The following EVC2 variants were observed in gnomAD, a reference collection of about 807,000 sequenced individuals.
EVC2 encodes the protein EvC ciliary complex subunit 2.
In EVC2, 148 loss-of-function variants were observed where a neutral mutation model predicts 149.3. That is an observed-to-expected ratio of 0.99 (90% CI 0.87 to 1.14). EVC2 has a LOEUF of 1.14. EVC2 is among the 50% of genes most tolerant of loss of function. The pLI is 0.00. For missense variants in EVC2, 1,854 were observed against 1,627.3 expected, an observed-to-expected ratio of 1.14 and a Z score of -2.40; for synonymous variants, 776 against 649.9, an observed-to-expected ratio of 1.19 and a Z score of -2.95.
rs1722344057 is a variant in EVC2 at position 5,567,286 on chromosome 4, A to C, written c.3557+1158T>G. Among the ~76,000 whole-genome samples the C allele has an allele frequency of 3.3e-5, 5 of 150,056 alleles. No individual in the cohort carries two copies. The highest frequency in any genetic ancestry group is 4.9e-5 in the African/African-American group (2 of 40,504). The stretch of plus-strand genomic sequence containing the variant: ...CACCCGCAGATGTTCCCTCTTCCCC[A>C]CCCTCCCCCTCACCCTGGTCAGACT... On this transcript the variant is annotated intron_variant, in intron 20 of 21. Transcript: ENST00000344408. This position sits in a 1 kb window ranked among gnomAD's most constrained non-coding sequence, Gnocchi z 4.4.
intron 9 of EVC2, among the ~76,000 whole-genome samples, chr4:5,660,322 AT>A (rs2108891519): frequency 6.6e-6 from 1 of 152,322 alleles, no homozygotes; most frequent in East Asian, 1.9e-4. Context: ...AGGAGCACCC[AT>A]TCAAAACAGA....
intron 10 of EVC2, among the ~76,000 whole-genome samples, chr4:5,638,425 A>G (rs1333501348): frequency 1.3e-5 from 2 of 151,862 alleles, no homozygotes; most frequent in African/African-American, 4.8e-5. Context: ...CAGATTTAGG[A>G]AAGAATCAAA....
chr4:5,611,448 CAA>C (rs2108823107), intron 16 of EVC2, among the ~76,000 whole-genome samples: 2 of 152,144 alleles, frequency 1.3e-5, no homozygotes, highest in East Asian at 3.9e-4. Flanking sequence ...TTTAATTATA[CAA>C]AGAGCCCTCT....
chr4:5,542,459 A>G (rs1210018828), downstream of EVC2, among the ~76,000 whole-genome samples: 1 of 152,142 alleles, frequency 6.6e-6, no homozygotes, highest in Non-Finnish European at 1.5e-5. Context: ...TGTCTCAAAA[A>G]ATAATCCTCA....
the EVC2 span, among the ~76,000 whole-genome samples, chr4:5,534,095 T>C: frequency 1.3e-5 from 2 of 152,012 alleles, no homozygotes; most frequent in South Asian, 4.2e-4. Flanking sequence ...AGGGAGTGAT[T>C]TACATTTTTA....
intron 9 of EVC2, among the ~76,000 whole-genome samples, chr4:5,660,558 C>G (rs1299389331): frequency 6.6e-6 from 1 of 152,178 alleles, no homozygotes; most frequent in Non-Finnish European, 1.5e-5. Flanking sequence ...TCCCAGATCT[C>G]CCATTTTCAG....
chr4:5,540,880 G>A (rs1010192826), downstream of EVC2, among the ~76,000 whole-genome samples: 4 of 151,780 alleles, frequency 2.6e-5, no homozygotes, highest in South Asian at 6.3e-4. Flanking sequence ...CCATCAGATC[G>A]CCAGAATTCT....
Position 5,551,412 on chromosome 4 carries a change from T to C in EVC2, c.3420-8200A>G, listed in dbSNP as rs573274437. ...TAAGATTTGACTGCCCTGCTGGATTTTGGGCTTGCATGGGGCCTGTAGCCC... is the reference window on the plus strand; with the variant it reads ...TAAGATTTGACTGCCCTGCTGGATTCTGGGCTTGCATGGGGCCTGTAGCCC... On this transcript the variant is annotated intron_variant and NMD_transcript_variant, in intron 21 of 22. Coordinates refer to the EVC2 transcript ENST00000475313. 7.2e-4 allele frequency among the ~76,000 whole-genome samples: 110 copies of C among 152,360 alleles called. 1 individual carries two copies. In the South Asian group the frequency reaches 0.021, roughly 30 times the overall value.
intron 11 of EVC2, among the ~76,000 whole-genome samples, chr4:5,630,931 A>G (rs1716486530): frequency 6.6e-6 from 1 of 152,202 alleles, no homozygotes. Context: ...AGCACCAGTG[A>G]CAGCGCTGGA....
rs1365898864 is a variant in EVC2, at chr4:5,637,088, G to A, written c.1470+3426C>T. ...AGAGACAGGCTGCAGAAAAGCCCTG[G>A]AGAGAGCAGGGTCAGGAAGCCCTGA... On this transcript the variant is annotated intron_variant, in intron 10 of 21. Transcript: ENST00000344408. The surrounding 1 kb of genome is among the most constrained non-coding windows in gnomAD (Gnocchi z 4.4). 6.6e-6 allele frequency among the ~76,000 whole-genome samples: 1 copy of A among 152,178 alleles called. No homozygotes were observed. Among genetic ancestry groups the A allele is most frequent in the African/African-American group, 2.4e-5 (1 of 41,434 alleles).
intron 16 of EVC2, among the ~76,000 whole-genome samples, chr4:5,589,894 G>A (rs377631013): frequency 1.2e-4 from 18 of 152,220 alleles, no homozygotes; most frequent in African/African-American, 3.1e-4. Flanking sequence ...AAATATTGCC[G>A]TTGTTAATAC....
At chr4:5,608,821 C>T (rs1004362551) in intron 16 of EVC2, among the ~76,000 whole-genome samples, 7 of 152,124 alleles carry the variant, frequency 4.6e-5, no homozygotes, top group East Asian at 1.9e-4. Context: ...GCATGAGCCA[C>T]GGTGCCAGCC....
chr4:5,565,171 CCT>C, intron 21 of EVC2, 85 bp downstream of exon 21: 1 of 1,286,940 alleles, frequency 7.8e-7, no homozygotes, highest in Non-Finnish European at 1.1e-6. Flanking sequence ...AACCTCCTTT[CCT>C]TGTCACCTCC....
intron 7 of EVC2, among the ~76,000 whole-genome samples, chr4:5,676,579 T>C (rs979295738): frequency 3.3e-5 from 5 of 152,198 alleles, no homozygotes; most frequent in African/African-American, 1.2e-4. Context: ...CTTATGTATG[T>C]GTCACATACA....
intron 7 of EVC2, among the ~76,000 whole-genome samples, chr4:5,668,099 A>G (rs1272595439): frequency 6.6e-6 from 1 of 152,230 alleles, no homozygotes; most frequent in East Asian, 1.9e-4. Context: ...AACCTGTGAC[A>G]ATTAGTTTAA....
intron 16 of EVC2, among the ~76,000 whole-genome samples, chr4:5,596,940 T>A (rs1713476607): frequency 6.6e-6 from 1 of 152,172 alleles, no homozygotes; most frequent in South Asian, 2.1e-4. Context: ...CAAACACCTC[T>A]ACGCAAATAA....
intron 7 of EVC2, among the ~76,000 whole-genome samples, chr4:5,666,014 T>G (rs985566953): frequency 2.0e-5 from 3 of 152,118 alleles, no homozygotes; most frequent in Admixed American, 2.0e-4. Context: ...GAATCACAGG[T>G]AGAATTTTGC....
At chr4:5,543,339 G>C (rs1721553235) in intron 21 of EVC2, 2 of 430,322 alleles carry the variant, frequency 4.6e-6, no homozygotes, top group Non-Finnish European at 8.1e-6. Context: ...TAATGACACA[G>C]TGAAGATCAG....
intron 16 of EVC2, among the ~76,000 whole-genome samples, chr4:5,610,249 C>T (rs1375609183): frequency 6.6e-6 from 1 of 152,140 alleles, no homozygotes; most frequent in South Asian, 2.1e-4. Context: ...TGTACACACA[C>T]ACATACATAC....
Sources: gnomAD v4.1 joint callset for allele counts (sites outside exome capture counted in the v4.1 genomes callset) on GRCh38, gnomAD v4.1.1 for gene constraint, Gnocchi (gnomAD v3.1) non-coding constraint, MANE v1.5 for transcripts, NCBI Gene and HGNC (gene_info 2026-07-23, HGNC 2026-07-21) for gene names.